The following RIPK2 variants were observed in gnomAD, a reference collection of about 807,000 sequenced individuals.
RIPK2 encodes receptor-interacting serine/threonine-protein kinase 2.
RIPK2 carries 38 observed loss-of-function variants against 60.9 expected under a neutral mutation model. That is an observed-to-expected ratio of 0.62 (90% CI 0.48 to 0.82). The LOEUF (loss-of-function observed/expected upper bound fraction) is 0.82. Among genes scored for constraint, RIPK2 ranks in the 40% least tolerant of loss-of-function variants. RIPK2 has a pLI of 0.00. For missense variants in RIPK2, 518 were observed against 647.0 expected, an observed-to-expected ratio of 0.80 and a Z score of 2.16; for synonymous variants, 225 against 223.4, an observed-to-expected ratio of 1.01 and a Z score of -0.06.
At position 89,790,547 on chromosome 8, in the gene RIPK2, C is replaced by T; in HGVS notation, c.*131C>T. The T allele has an allele frequency of 5.0e-6, 3 of 605,642 alleles. No individual in the cohort carries two copies. The highest frequency in any genetic ancestry group is 8.3e-6 in the Non-Finnish European group (3 of 361,356). 37.5% of individuals were successfully genotyped at this position (605,642 alleles called of 1,614,324 possible). A position where few individuals can be genotyped will look rare whatever the true frequency, so the allele number is the denominator to read the frequency against. ...GTTCTTTGGGTAAATATTAGTCTCC[C>T]TCCATGACACTGCAGTATTTTTTTT... On this transcript the variant is annotated 3_prime_UTR_variant, in exon 11 of 11. Transcript: ENST00000220751.
Position 89,785,929 on chromosome 8 carries a change from C to T in RIPK2, c.1030-664C>T, listed in dbSNP as rs189868145. 3.9e-5 allele frequency among the ~76,000 whole-genome samples: 6 copies of T among 152,228 alleles called. No individual in the cohort carries two copies. The East Asian group carries it at 1.2e-3, about 29-fold the overall frequency. ...TCCTGTGCCTCCATGTGGAAGGAAC[C>T]TGAGGTGCTGAGAACAGGCATTTCT... is the stretch of plus-strand genomic sequence containing the variant. On this transcript the variant is annotated intron_variant, in intron 8 of 10. Coordinates refer to ENST00000220751, the MANE Select transcript of RIPK2 (RefSeq NM_003821.6).
intron 7 of RIPK2, among the ~76,000 whole-genome samples, chr8:89,783,236 A>T (rs16900589): frequency 0.059 from 9,006 of 152,250 alleles, 810 homozygotes; most frequent in African/African-American, 0.19. Context: ...ATAGGTTTGT[A>T]TTTAAATCAC....
At chr8:89,773,477 T>G (rs73694484) in intron 6 of RIPK2, among the ~76,000 whole-genome samples, 16,622 of 152,172 alleles carry the variant, frequency 0.11, 1,091 homozygotes, top group African/African-American at 0.19. Context: ...GGAAAGGAAT[T>G]AGATGATATT....
chr8:89,784,694 A>T, intron 8 of RIPK2, among the ~76,000 whole-genome samples: 1 of 152,314 alleles, frequency 6.6e-6, no homozygotes, highest in Non-Finnish European at 1.5e-5. Flanking sequence ...GAACACCAAC[A>T]TGATGCCACA....
chr8:89,770,035 C>T, intron 4 of RIPK2, 106 bp downstream of exon 4: 1 of 901,370 alleles, frequency 1.1e-6, no homozygotes, highest in Non-Finnish European at 1.6e-6. Flanking sequence ...ATTCTTCTCT[C>T]ATAATTGTGG....
intron 3 of RIPK2, among the ~76,000 whole-genome samples, chr8:89,766,153 G>A (rs529769575): frequency 3.9e-5 from 6 of 151,946 alleles, no homozygotes; most frequent in Non-Finnish European, 5.9e-5. Flanking sequence ...CTTGTGATCC[G>A]TCTAAGTTGT....
chr8:89,784,020 AGT>A, intron 7 of RIPK2, 28 bp from the exon 8 acceptor site: 1 of 1,159,054 alleles, frequency 8.6e-7, no homozygotes, highest in Non-Finnish European at 1.3e-6. Context: ...CTCCAGTTAA[AGT>A]GTATATATAT....
Position 89,784,141 on chromosome 8 carries a change from T to TAAAAAAAAA in RIPK2, c.1029+17_1029+25dup. ...CCTGTAAATCATGGTCCACAAGAGG[T>TAAAAAAAAA]AAAAAAAAAAAAAAAAAAAAAAAGG... On this transcript the variant is annotated splice_region_variant and intron_variant, in intron 8 of 10. Transcript: ENST00000220751. 6 of 558,324 alleles carry TAAAAAAAAA rather than the reference T, an allele frequency of 1.1e-5. No individual in the cohort carries two copies. Among genetic ancestry groups the TAAAAAAAAA allele is most frequent in the African/African-American group, 3.0e-5 (1 of 32,960 alleles). 34.6% of individuals were successfully genotyped at this position (558,324 alleles called of 1,614,324 possible). A position where few individuals can be genotyped will look rare whatever the true frequency, so the allele number is the denominator to read the frequency against.
At chr8:89,761,401 A>T (rs1809142842) in intron 1 of RIPK2, among the ~76,000 whole-genome samples, 2 of 152,014 alleles carry the variant, frequency 1.3e-5, no homozygotes, top group Admixed American at 6.6e-5. Flanking sequence ...CCCTACAGTC[A>T]GTCACTACAA....
At chr8:89,784,433 A>G (rs574545749) in intron 8 of RIPK2, among the ~76,000 whole-genome samples, 1 of 152,316 alleles carries the variant, frequency 6.6e-6, no homozygotes, top group South Asian at 2.1e-4. Context: ...ATGTAGGCAA[A>G]TCATTGATTA....
intron 1 of RIPK2, among the ~76,000 whole-genome samples, chr8:89,760,692 T>C (rs39761): frequency 0.66 from 100,001 of 152,072 alleles, 34,683 homozygotes; most frequent in African/African-American, 0.89. Flanking sequence ...TTCTGAGCCT[T>C]AGTGCCCTCA....
intron 6 of RIPK2, among the ~76,000 whole-genome samples, chr8:89,773,832 T>G (rs1485497963): frequency 1.3e-5 from 2 of 152,192 alleles, no homozygotes; most frequent in Non-Finnish European, 2.9e-5. Flanking sequence ...TCTTTAAATA[T>G]GACATCAAAA....
intron 1 of RIPK2, among the ~76,000 whole-genome samples, chr8:89,759,783 A>G (rs992473857): frequency 1.3e-5 from 2 of 152,208 alleles, no homozygotes; most frequent in African/African-American, 4.8e-5. Flanking sequence ...TGCAAACACT[A>G]TATGGAAATG....
rs1809069086 is a variant in RIPK2, at chr8:89,757,848, C to T, written c.-213C>T. 3.8e-6 allele frequency: 5 copies of T among 1,326,948 alleles called. No homozygotes were observed. The highest frequency in any genetic ancestry group is 4.8e-6 in the Non-Finnish European group (5 of 1,038,914). 82.2% of individuals were successfully genotyped at this position (1,326,948 alleles called of 1,614,324 possible). A position where few individuals can be genotyped will look rare whatever the true frequency, so the allele number is the denominator to read the frequency against. On this transcript the variant is annotated 5_prime_UTR_variant, in exon 1 of 11. Transcript: ENST00000220751. ...GGCGCTACGGCGTTGGCACCAGTCT[C>T]TAGAAAAGAAGTCAGCTCTGGTTCG...
chr8:89,758,124 C>A lies in RIPK2; in HGVS notation c.64C>A (p.Arg22Ser), dbSNP rs201325791. The A allele has an allele frequency of 3.1e-6, 5 of 1,603,596 alleles. No homozygotes were observed. The highest frequency in any genetic ancestry group is 4.3e-6 in the Non-Finnish European group (5 of 1,175,680). The change falls in exon 1 of 11, where the codon CGC becomes AGC. Residue 22 changes from arginine (R) to serine (S), a missense_variant. By Grantham distance (110) the Arg-to-Ser change is moderately radical. Coordinates refer to ENST00000220751, the MANE Select transcript of RIPK2 (RefSeq NM_003821.6). ...TIPYHKLADL[R>S]YLSRGASGTV... Reference sequence around the variant, plus strand: ...TCCCTACCACAAACTCGCCGACCTGCGCTACCTGAGCCGCGGCGCCTCTGG... The same window carrying A: ...TCCCTACCACAAACTCGCCGACCTGAGCTACCTGAGCCGCGGCGCCTCTGG...
rs920444554 is a variant in RIPK2, at chr8:89,790,412, T to A, written c.1619T>A (p.Met540Lys). ...PSLNLLQNKS[M>K] is the part of the protein sequence containing the mutation. ...TTAAATTTACTTCAAAATAAAAGCA[T>A]GTAAGTGACTGTTTTTCAAGAAGAA... Residue 540 changes from methionine (M) to lysine (K), a missense_variant, in exon 11 of 11, where the codon ATG becomes AAG. By Grantham distance (95) the Met-to-Lys change is moderately conservative. Around this residue, in one of 3 missense-constraint regions of RIPK2, gnomAD observed 41 missense variants for 43.7 expected, o/e 0.94. Coordinates refer to ENST00000220751, the MANE Select transcript of RIPK2 (RefSeq NM_003821.6). 4 of 1,560,960 alleles carry A rather than the reference T, an allele frequency of 2.6e-6. No individual in the cohort carries two copies. Among genetic ancestry groups the A allele is most frequent in the Non-Finnish European group, 2.6e-6 (3 of 1,152,156 alleles).
chr8:89,776,422 A>G (rs1316720251), intron 6 of RIPK2, among the ~76,000 whole-genome samples: 2 of 152,234 alleles, frequency 1.3e-5, no homozygotes, highest in Non-Finnish European at 2.9e-5. Context: ...GGTAATATCT[A>G]TTAGCATTTA....
chr8:89,779,837 C>T (rs1186898824), intron 6 of RIPK2, among the ~76,000 whole-genome samples: 1 of 152,180 alleles, frequency 6.6e-6, no homozygotes. Flanking sequence ...GCTATGCTAT[C>T]ATTTCCCCAT....
chr8:89,772,923 G>T, intron 6 of RIPK2, 95 bp downstream of exon 6: 1 of 746,028 alleles, frequency 1.3e-6, no homozygotes, highest in South Asian at 3.3e-5. Context: ...CAAATTAGAT[G>T]ACTAGCTAGA....
Sources: gnomAD v4.1 joint callset for allele counts (sites outside exome capture counted in the v4.1 genomes callset) on GRCh38, gnomAD v4.1.1 for gene constraint, gnomAD v4.1.1 regional missense constraint, MANE v1.5 for transcripts, NCBI Gene and HGNC (gene_info 2026-07-23, HGNC 2026-07-21) for gene names.